MYO16: variants seen among roughly 807,000 people sequenced by gnomAD.
MYO16 encodes the protein myosin XVI.
A neutral mutation model predicts 205.3 loss-of-function variants in MYO16; 94 were observed. The ratio of observed to expected loss-of-function variants is 0.46; its 90% CI spans 0.39 to 0.54. MYO16 has a LOEUF of 0.54. Ranked by LOEUF, MYO16 falls within the 20% of genes least tolerant of loss-of-function variation. MYO16 has a pLI of 0.00. For missense variants in MYO16, 2,315 were observed against 2,387.5 expected, an observed-to-expected ratio of 0.97 and a Z score of 0.63; for synonymous variants, 988 against 954.0, an observed-to-expected ratio of 1.04 and a Z score of -0.66.
chr13:109,028,458 T>TA (rs752106937), intron 23 of MYO16: 20 of 247,740 alleles, frequency 8.1e-5, no homozygotes, highest in Middle Eastern at 5.2e-4. Flanking sequence ...GGGAATTTTG[T>TA]AAAAAAAATA....
Position 108,975,221 on chromosome 13 carries a change from C to T in MYO16, c.2369+10319C>T, listed in dbSNP as rs148845701. Among the ~76,000 whole-genome samples the T allele has an allele frequency of 5.3e-3, 809 of 151,222 alleles. 3 individuals carry two copies. The highest frequency in any genetic ancestry group is 0.019 in the African/African-American group (764 of 41,130). The stretch of plus-strand genomic sequence containing the variant: ...TTTTTTATTAAAAAGGCCACTATTG[C>T]GGTCTTCAGGGTTCACAATTTTCTC... On this transcript the variant is annotated intron_variant, in intron 20 of 34. Coordinates refer to ENST00000457511, the MANE Select transcript of MYO16 (RefSeq NM_001198950.3).
At chr13:109,170,965 A>G (rs149188288) in intron 33 of MYO16, among the ~76,000 whole-genome samples, 1,770 of 152,318 alleles carry the variant, frequency 0.012, 37 homozygotes, top group African/African-American at 0.04. Flanking sequence ...AAATCTCAAG[A>G]GTTATGCGTG....
chr13:109,030,630 G>A, intron 23 of MYO16, among the ~76,000 whole-genome samples: 1 of 152,104 alleles, frequency 6.6e-6, no homozygotes, highest in East Asian at 1.9e-4. Flanking sequence ...TCTCAGAGCA[G>A]GGAGCTTATC....
At chr13:109,121,251 A>G (rs766090770) in intron 29 of MYO16, among the ~76,000 whole-genome samples, 39 of 152,156 alleles carry the variant, frequency 2.6e-4, no homozygotes, top group Middle Eastern at 3.4e-3. Flanking sequence ...ACTGATCCCT[A>G]CCTACTCAGG....
At chr13:108,645,389 T>C (rs1880706650) in intron 1 of MYO16, among the ~76,000 whole-genome samples, 1 of 152,156 alleles carries the variant, frequency 6.6e-6, no homozygotes, top group Non-Finnish European at 1.5e-5. Context: ...GTTTGCAGTG[T>C]CGAAAATGAC....
chr13:108,960,239 C>T (rs1594427456), intron 17 of MYO16, among the ~76,000 whole-genome samples: 1 of 142,008 alleles, frequency 7.0e-6, no homozygotes, highest in African/African-American at 2.6e-5. Flanking sequence ...TGCGCCACTA[C>T]ACTCCAGCCT....
intron 20 of MYO16, among the ~76,000 whole-genome samples, chr13:108,979,286 T>A (rs747900740): frequency 6.6e-6 from 1 of 152,006 alleles, no homozygotes; most frequent in Non-Finnish European, 1.5e-5. Context: ...TGTTTCATAG[T>A]TTCCAATGAT....
intron 13 of MYO16, among the ~76,000 whole-genome samples, chr13:108,883,512 G>A (rs1466541948): frequency 6.6e-6 from 1 of 152,082 alleles, no homozygotes; most frequent in African/African-American, 2.4e-5. Context: ...CGGAACCTAA[G>A]CCACTGTTCT....
intron 4 of MYO16, among the ~76,000 whole-genome samples, chr13:108,753,546 T>G (rs752264134): frequency 6.6e-6 from 1 of 152,178 alleles, no homozygotes; most frequent in African/African-American, 2.4e-5. Flanking sequence ...ACAAGAGATA[T>G]GATCTCAGTA....
At chr13:108,757,061 AAAC>A (rs1182088186) in intron 4 of MYO16, among the ~76,000 whole-genome samples, 1 of 151,308 alleles carries the variant, frequency 6.6e-6, no homozygotes, top group African/African-American at 2.5e-5. Flanking sequence ...CAAATTTCTA[AAAC>A]AATGATGATT....
chr13:109,056,851 A>G (rs970171689), intron 27 of MYO16, among the ~76,000 whole-genome samples: 2 of 152,182 alleles, frequency 1.3e-5, no homozygotes, highest in African/African-American at 4.8e-5. Flanking sequence ...AATAAATGAG[A>G]TCTTAAAATA....
At chr13:108,763,039 C>A (rs1885661298) in intron 4 of MYO16, among the ~76,000 whole-genome samples, 1 of 152,154 alleles carries the variant, frequency 6.6e-6, no homozygotes, top group Admixed American at 6.5e-5. Flanking sequence ...CAGGACAATA[C>A]TGGAAATATT....
intron 1 of MYO16, among the ~76,000 whole-genome samples, chr13:108,663,391 C>T (rs1881588818): frequency 6.6e-6 from 1 of 151,998 alleles, no homozygotes; most frequent in African/African-American, 2.4e-5. Flanking sequence ...ACAGCTGACC[C>T]ACTTGGACTT....
At position 108,727,662 on chromosome 13, in the gene MYO16, C is replaced by T. The variant is rs566313016; in HGVS notation, c.507+79C>T. 5 of 1,479,742 alleles carry T rather than the reference C, an allele frequency of 3.4e-6. No homozygotes were observed. In the African/African-American group the frequency reaches 4.2e-5, roughly 12 times the overall value. 91.7% of individuals were successfully genotyped at this position (1,479,742 alleles called of 1,614,324 possible). On this transcript the variant is annotated intron_variant, in intron 4 of 34. Transcript: ENST00000457511. ...TATATATTTAACTAATGCTATTTTA[C>T]AATATGTAATATTTTGGTTGAGAAA... is the stretch of plus-strand genomic sequence containing the variant.
the MYO16 span, among the ~76,000 whole-genome samples, chr13:108,584,581 G>T: frequency 6.6e-6 from 1 of 152,016 alleles, no homozygotes; most frequent in East Asian, 1.9e-4. Context: ...CCTCCATCTT[G>T]CTGTGTGTTT....
intron 34 of MYO16, among the ~76,000 whole-genome samples, chr13:109,183,662 A>G (rs1376535362): frequency 6.6e-6 from 1 of 152,134 alleles, no homozygotes; most frequent in Non-Finnish European, 1.5e-5. Flanking sequence ...CATTATGGGC[A>G]TTTATCATAT....
chr13:109,206,752 T>C lies in MYO16; in HGVS notation c.5559T>C (p.Pro1853=). The C allele has an allele frequency of 6.2e-7, 1 of 1,614,118 alleles. No individual in the cohort carries two copies. Among genetic ancestry groups the C allele is most frequent in the South Asian group, 1.1e-5 (1 of 91,074 alleles). Residue 1853 remains proline (P), a synonymous_variant, in exon 35 of 35, where the codon CCT becomes CCC. Transcript: ENST00000457511. ...AGCCCAGGGTGCCTCCCCCACCACC[T>C]TGCAAGAAGCCCAGCCTTCTGAAGA... The part of the protein sequence containing the change: ...HAEPRVPPPP[P]CKKPSLLKKP...
At chr13:108,844,516 T>C (rs374793771) in intron 10 of MYO16, 23 bp downstream of exon 10, 2 of 1,574,886 alleles carry the variant, frequency 1.3e-6, no homozygotes, top group Non-Finnish European at 1.7e-6. Flanking sequence ...TCACTGTGTG[T>C]CTACCAGTAC....
At chr13:108,607,239 G>A (rs66581286) in intron 1 of MYO16, among the ~76,000 whole-genome samples, 21,704 of 152,192 alleles carry the variant, frequency 0.14, 1,919 homozygotes, top group Middle Eastern at 0.2. Flanking sequence ...AAGCATAACT[G>A]TGTTTTGAAA....
Sources: allele counts gnomAD v4.1 joint callset (sites outside exome capture counted in the v4.1 genomes callset), GRCh38; gene constraint gnomAD v4.1.1; transcripts MANE v1.5; gene names NCBI Gene and HGNC (gene_info 2026-07-23, HGNC 2026-07-21).